MYO1E: variants seen among roughly 807,000 people sequenced by gnomAD.
The protein encoded by MYO1E is myosin IE.
Under a neutral mutation model 151.1 loss-of-function variants are expected in MYO1E, and 68 were observed. The ratio of observed to expected loss-of-function variants is 0.45; its 90% confidence interval spans 0.37 to 0.55. MYO1E has a LOEUF of 0.55. MYO1E is among the 20% of genes least tolerant of loss of function. MYO1E has a pLI of 0.00. For synonymous variants in MYO1E, 601 were observed against 501.7 expected (o/e 1.20, Z -2.64); for missense variants, 1,363 against 1,389.3 (o/e 0.98, Z 0.30).
intron 4 of MYO1E, among the ~76,000 whole-genome samples, chr15:59,251,006 T>A (rs2080161424): frequency 6.6e-6 from 1 of 151,976 alleles, no homozygotes; most frequent in African/African-American, 2.4e-5. Flanking sequence ...CCCATCCCAC[T>A]CGTTTTGGCA....
chr15:59,197,729 T>A (rs79994199), intron 16 of MYO1E, among the ~76,000 whole-genome samples: 7,252 of 152,302 alleles, frequency 0.048, 184 homozygotes, highest in African/African-American at 0.068. Flanking sequence ...TAGTGTGATA[T>A]AAAAGGAATT....
chr15:59,288,668 TG>T (rs2080401580), intron 1 of MYO1E, among the ~76,000 whole-genome samples: 1 of 152,248 alleles, frequency 6.6e-6, no homozygotes, highest in African/African-American at 2.4e-5. Flanking sequence ...TCATCTCATC[TG>T]GCTAATAAGA....
chr15:59,302,034 G>C (rs986718630), intron 1 of MYO1E, among the ~76,000 whole-genome samples: 1 of 152,022 alleles, frequency 6.6e-6, no homozygotes, highest in Non-Finnish European at 1.5e-5. Flanking sequence ...AGGTAGGTTC[G>C]TCCCCTGCCT....
intron 1 of MYO1E, among the ~76,000 whole-genome samples, chr15:59,286,388 A>G (rs1284148106): frequency 1.3e-5 from 2 of 152,238 alleles, no homozygotes; most frequent in African/African-American, 4.8e-5. Context: ...TAAGAACTCA[A>G]TTTTTAAAAG....
intron 16 of MYO1E, among the ~76,000 whole-genome samples, chr15:59,200,750 A>C (rs1003852387): frequency 4.6e-5 from 7 of 152,330 alleles, no homozygotes; most frequent in African/African-American, 1.7e-4. Context: ...ACTGCGTTAC[A>C]TGCTTCCAAT....
chr15:59,277,573 A>C (rs1029530585), intron 1 of MYO1E, among the ~76,000 whole-genome samples: 6 of 148,196 alleles, frequency 4.0e-5, no homozygotes, highest in African/African-American at 1.5e-4. Context: ...AAAAAAAAAA[A>C]CATCAAAGCC....
chr15:59,321,787 G>A (rs1244465422), intron 1 of MYO1E, among the ~76,000 whole-genome samples: 1 of 152,118 alleles, frequency 6.6e-6, no homozygotes, highest in Non-Finnish European at 1.5e-5. Flanking sequence ...TGACCTGGGA[G>A]AATCTCTTGA....
intron 24 of MYO1E, 130 bp from the exon 25 acceptor site, chr15:59,158,509 T>A: frequency 1.4e-6 from 1 of 737,790 alleles, no homozygotes. Context: ...AGGAGAACAG[T>A]TGCAGTGGAG....
chr15:59,260,599 A>G (rs1266616208), intron 3 of MYO1E, among the ~76,000 whole-genome samples: 14 of 152,294 alleles, frequency 9.2e-5, no homozygotes, highest in Non-Finnish European at 1.2e-4. Flanking sequence ...ATTAAGGAGA[A>G]TTACAGCTTC....
At chr15:59,178,688 GGACTGCGAT>G (rs2079640367) in intron 18 of MYO1E, 151 bp from the exon 19 acceptor site, 1 of 1,044,042 alleles carries the variant, frequency 9.6e-7, no homozygotes, top group Admixed American at 2.9e-5. Context: ...GCTCAGGCGT[GGACTGCGAT>G]GACTGCAAAA....
intron 1 of MYO1E, among the ~76,000 whole-genome samples, chr15:59,303,958 C>T (rs2080498917): frequency 6.7e-6 from 1 of 149,798 alleles, no homozygotes; most frequent in South Asian, 2.1e-4. Flanking sequence ...AGGCAGGCGT[C>T]TCTATTTTCA....
intron 1 of MYO1E, among the ~76,000 whole-genome samples, chr15:59,319,550 CTTTTTTTTT>C (rs59491381): frequency 7.7e-4 from 49 of 63,712 alleles, no homozygotes; most frequent in African/African-American, 1.3e-3. Flanking sequence ...GTCAAACTAC[CTTTTTTTTT>C]TTTTTTTTTT....
intron 1 of MYO1E, among the ~76,000 whole-genome samples, chr15:59,315,588 A>G (rs1408140451): frequency 6.6e-6 from 1 of 152,126 alleles, no homozygotes; most frequent in Non-Finnish European, 1.5e-5. Flanking sequence ...ATCTGCCAAG[A>G]AATAACACTG....
At chr15:59,304,228 C>G (rs1254134111) in intron 1 of MYO1E, among the ~76,000 whole-genome samples, 1 of 152,214 alleles carries the variant, frequency 6.6e-6, no homozygotes, top group South Asian at 2.1e-4. Flanking sequence ...GGTGAGTCAT[C>G]TGCCTTGGCC....
chr15:59,371,882 G>A (rs1451996099), intron 1 of MYO1E, among the ~76,000 whole-genome samples: 9 of 151,282 alleles, frequency 5.9e-5, no homozygotes, highest in Non-Finnish European at 1.2e-4. Context: ...CCCGCCGGCC[G>A]CCAGGTGCTC....
At chr15:59,177,531 A>G (rs1464163560) in intron 19 of MYO1E, among the ~76,000 whole-genome samples, 3 of 152,180 alleles carry the variant, frequency 2.0e-5, no homozygotes, top group East Asian at 1.9e-4. Flanking sequence ...CTCTTGAAAT[A>G]GGTCTTGTGA....
At chr15:59,325,635 G>T (rs2080658915) in intron 1 of MYO1E, among the ~76,000 whole-genome samples, 7 of 152,264 alleles carry the variant, frequency 4.6e-5, no homozygotes, top group Admixed American at 4.6e-4. Context: ...GGAATACTAA[G>T]ATTTTTAAAA....
intron 1 of MYO1E, among the ~76,000 whole-genome samples, chr15:59,362,716 T>C (rs1231893103): frequency 1.3e-5 from 2 of 152,234 alleles, no homozygotes; most frequent in African/African-American, 4.8e-5. Flanking sequence ...TATTTTTTCA[T>C]TGAAAATTTC....
chr15:59,310,372 C>T (rs755108188), intron 1 of MYO1E, among the ~76,000 whole-genome samples: 6 of 152,178 alleles, frequency 3.9e-5, no homozygotes, highest in Non-Finnish European at 5.9e-5. Flanking sequence ...ATAGTCTTTG[C>T]GGATAGAATC....
Sources: allele counts gnomAD v4.1 joint callset (sites outside exome capture counted in the v4.1 genomes callset), GRCh38; gene constraint gnomAD v4.1.1; transcripts MANE v1.5; gene names NCBI Gene and HGNC (gene_info 2026-07-23, HGNC 2026-07-21).